EZH1: variants seen among roughly 807,000 people sequenced by gnomAD.
The protein encoded by EZH1 is enhancer of zeste 1 polycomb repressive complex 2 subunit.
EZH1 carries 33 observed loss-of-function variants against 100.5 expected under a neutral mutation model. That is an observed-to-expected ratio of 0.33 (90% CI 0.25 to 0.44). EZH1 has a LOEUF of 0.44. Ranked by LOEUF, EZH1 falls within the 20% of genes least tolerant of loss-of-function variation. The pLI, the probability that EZH1 is intolerant of heterozygous loss-of-function variation, is 1.00. For missense variants in EZH1, 475 were observed against 928.4 expected, an observed-to-expected ratio of 0.51 and a Z score of 6.35; for synonymous variants, 272 against 313.8, an observed-to-expected ratio of 0.87 and a Z score of 1.41.
chr17:42,721,901 C>T (rs1006517381), intron 6 of EZH1, among the ~76,000 whole-genome samples: 1 of 151,820 alleles, frequency 6.6e-6, no homozygotes, highest in African/African-American at 2.4e-5. Context: ...CCTGTAATCC[C>T]AGCACTTTGG....
intron 1 of EZH1, among the ~76,000 whole-genome samples, chr17:42,738,459 T>TTTATTATTTGTATTTATTAG (rs2054110806): frequency 6.6e-6 from 1 of 151,310 alleles, no homozygotes; most frequent in Non-Finnish European, 1.5e-5. Context: ...GTATTTATTA[T>TTTATTATTTGTATTTATTAG]TATTTTTTGA....
At chr17:42,734,179 C>T (rs1029615273) in intron 1 of EZH1, among the ~76,000 whole-genome samples, 5 of 151,430 alleles carry the variant, frequency 3.3e-5, no homozygotes, top group Non-Finnish European at 7.4e-5. Context: ...TCCTGAGTTG[C>T]TGACATTACA....
In EZH1 at chr17:42,717,675, C is replaced by A. The variant is rs117294604; in HGVS notation, c.1023+301G>T. On this transcript the variant is annotated intron_variant, in intron 10 of 20. Transcript: ENST00000428826. The stretch of plus-strand genomic sequence containing the variant: ...GAAACTAGAGTGTGTACCCACCCCC[C>A]CAGCATACACTTTGCTCCAATTCTA... Among the ~76,000 whole-genome samples, 914 of 152,230 alleles carry A rather than the reference C, an allele frequency of 6.0e-3. 37 individuals are homozygous for A. In the South Asian group the frequency reaches 0.098, roughly 16 times the overall value.
At chr17:42,709,972 G>A (rs771685151) in intron 12 of EZH1, 35 bp from the exon 13 acceptor site, 12 of 1,598,214 alleles carry the variant, frequency 7.5e-6, no homozygotes, top group East Asian at 2.2e-5. Flanking sequence ...GTCACTCCTC[G>A]AGCAAGGGGG....
intron 1 of EZH1, among the ~76,000 whole-genome samples, chr17:42,735,999 G>A (rs1053567854): frequency 6.6e-6 from 1 of 151,952 alleles, no homozygotes; most frequent in Non-Finnish European, 1.5e-5. Context: ...AAAAAGAGCA[G>A]AAATTTGAAC....
At chr17:42,732,825 T>C (rs987064477) in intron 1 of EZH1, among the ~76,000 whole-genome samples, 3 of 151,976 alleles carry the variant, frequency 2.0e-5, no homozygotes, top group Non-Finnish European at 2.9e-5. Flanking sequence ...GGTGCATGCC[T>C]GTAGTTCCAA....
At chr17:42,712,518 A>C in intron 11 of EZH1, 33 bp from the exon 12 acceptor site, 1 of 1,596,372 alleles carries the variant, frequency 6.3e-7, no homozygotes, top group Non-Finnish European at 8.6e-7. Context: ...AATCAGAAGA[A>C]GGTAGAATGC....
intron 15 of EZH1, 78 bp downstream of exon 15, chr17:42,707,880 G>A: frequency 1.9e-6 from 3 of 1,578,222 alleles, no homozygotes; most frequent in East Asian, 2.3e-5. Context: ...GCAGTAAAGG[G>A]CACAGGAATG....
At chr17:42,704,457 C>T in intron 18 of EZH1, 145 bp downstream of exon 18, 1 of 575,034 alleles carries the variant, frequency 1.7e-6, no homozygotes, top group Non-Finnish European at 3.1e-6. Flanking sequence ...AGGAGAATCA[C>T]TTGAACCCGG....
Position 42,708,045 on chromosome 17 carries a change from C to G in EZH1, c.1573G>C (p.Asp525His), listed in dbSNP as rs1288124928. The change falls in exon 15 of 21, where the codon GAC (aspartate) becomes CAC (histidine). Residue 525 changes from aspartate to histidine, a missense_variant. This residue lies in a region of EZH1 where 83 missense variants were observed against 142.1 expected (regional missense o/e 0.58). Coordinates refer to ENST00000428826, the MANE Select transcript of EZH1 (RefSeq NM_001991.5). ...CTGTCACAGGGGCGGTCTGGGTGGT[C>G]GCAGGGTTGGTAGTTGTACACTTGT... ...STQVYNYQPC[D>H]HPDRPCDSTC... 1 of 1,612,006 alleles carries G rather than the reference C, an allele frequency of 6.2e-7. No individual in the cohort carries two copies. Among genetic ancestry groups the G allele is most frequent in the South Asian group, 1.1e-5 (1 of 90,892 alleles).
chr17:42,717,563 G>T (rs763316703), intron 10 of EZH1, among the ~76,000 whole-genome samples: 1 of 152,056 alleles, frequency 6.6e-6, no homozygotes, highest in Non-Finnish European at 1.5e-5. Flanking sequence ...ATCAGGGAAC[G>T]GTCCATCTGG....
At chr17:42,704,351 C>T (rs1045305577) in intron 18 of EZH1, among the ~76,000 whole-genome samples, 4 of 152,034 alleles carry the variant, frequency 2.6e-5, no homozygotes, top group Admixed American at 2.6e-4. Context: ...CCAGCCTGGC[C>T]AACATGGTGA....
intron 2 of EZH1, chr17:42,729,163 T>C: frequency 2.4e-6 from 1 of 416,470 alleles, no homozygotes; most frequent in Non-Finnish European, 4.3e-6. Context: ...AACCAACACT[T>C]TAGGAAGCCG....
At chr17:42,709,619 G>A (rs972721068) in intron 13 of EZH1, 1 of 451,524 alleles carries the variant, frequency 2.2e-6, no homozygotes, top group African/African-American at 2.0e-5. Flanking sequence ...TAGAAAAACA[G>A]ACAGTTATGG....
intron 3 of EZH1, 139 bp from the exon 4 acceptor site, chr17:42,727,902 C>T (rs371553091): frequency 9.3e-5 from 48 of 516,886 alleles, no homozygotes; most frequent in African/African-American, 5.0e-4. Context: ...CCACAACCTC[C>T]GCCTCCCGGG....
chr17:42,727,559 T>A (rs1479802045), intron 4 of EZH1, 76 bp downstream of exon 4: 5 of 1,531,030 alleles, frequency 3.3e-6, no homozygotes, highest in Non-Finnish European at 3.5e-6. Flanking sequence ...ATTCACTTTC[T>A]AAAAAGTCAC....
chr17:42,729,378 G>T, intron 2 of EZH1: 1 of 166,584 alleles, frequency 6.0e-6, no homozygotes, highest in Non-Finnish European at 1.3e-5. Flanking sequence ...CTGCACTTCA[G>T]CCTGAGTGAC....
Position 42,708,093 on chromosome 17 carries a change from A to C in EZH1, c.1535-10T>G. ...TGTGTGGAAGAGTTATCTAGGAAAG[A>C]AAACAGAGGAGGATGCTGCTGTGAC... On this transcript the variant is annotated splice_polypyrimidine_tract_variant and intron_variant, in intron 14 of 20. Coordinates refer to ENST00000428826, the MANE Select transcript of EZH1 (RefSeq NM_001991.5). 2 of 1,594,698 alleles carry C rather than the reference A, an allele frequency of 1.3e-6. No homozygotes were observed. Among genetic ancestry groups the C allele is most frequent in the Non-Finnish European group, 1.7e-6 (2 of 1,170,834 alleles).
At position 42,712,385 on chromosome 17, in the gene EZH1, A is replaced by T; in HGVS notation, c.1305T>A (p.Thr435=). 6.2e-7 allele frequency: 1 copy of T among 1,614,240 alleles called. No homozygotes were observed. The highest frequency in any genetic ancestry group is 8.5e-7 in the Non-Finnish European group (1 of 1,180,036). Residue 435 remains threonine (T), a synonymous_variant, in exon 12 of 21, where the codon ACT becomes ACA. Coordinates refer to ENST00000428826, the MANE Select transcript of EZH1 (RefSeq NM_001991.5). The part of the protein sequence containing the change: ...VEAPSEPVEW[T]GAEESLFRVF... ...CTCGAAAAAGAGATTCTTCAGCCCC[A>T]GTCCATTCCACAGGCTCCGAGGGTG...
Sources: allele counts gnomAD v4.1 joint callset (sites outside exome capture counted in the v4.1 genomes callset), GRCh38; gene constraint gnomAD v4.1.1; regional missense constraint gnomAD v4.1.1; transcripts MANE v1.5; gene names NCBI Gene and HGNC (gene_info 2026-07-23, HGNC 2026-07-21).